The following KCNQ1OT1 variants were observed in gnomAD, a reference collection of about 807,000 sequenced individuals.
KCNQ1OT1 encodes the protein KCNQ1 antisense RNA 2 (non-protein coding).
exon 1 of KCNQ1OT1, chr11:2,614,427 T>G (rs1849028098): frequency 2.5e-6 from 1 of 398,402 alleles, no homozygotes; most frequent in Non-Finnish European, 4.4e-6. Context: ...CAATATTGTG[T>G]TTTTTGTGTC....
In KCNQ1OT1 at chr11:2,642,482, G is replaced by A. The variant is rs1849594702; in HGVS notation, n.57513C>T. 3 of 397,854 alleles carry A rather than the reference G, an allele frequency of 7.5e-6. No individual in the cohort carries two copies. The highest frequency in any genetic ancestry group is 2.5e-4 in the South Asian group (2 of 7,852). The allele number at this position is 397,854 out of a possible 1,614,324, so 24.6% of individuals were successfully genotyped here. ...ATCAATTTATTGATCAGACTGAAGAGTTTTGATTTTTGTATTTCATGGTAT... is the reference window on the plus strand; with the variant it reads ...ATCAATTTATTGATCAGACTGAAGAATTTTGATTTTTGTATTTCATGGTAT... On this transcript the variant is annotated non_coding_transcript_exon_variant, in exon 1 of 1. Transcript: ENST00000597346. This position sits in a 1 kb window ranked among gnomAD's most constrained non-coding sequence, Gnocchi z 4.3.
chr11:2,612,196 C>T lies in KCNQ1OT1; in HGVS notation n.87799G>A. 2.5e-6 allele frequency: 1 copy of T among 398,684 alleles called. No individual in the cohort carries two copies. The highest frequency in any genetic ancestry group is 3.6e-5 in the East Asian group (1 of 28,078). The allele number at this position is 398,684 out of a possible 1,614,324, so 24.7% of individuals were successfully genotyped here. On this transcript the variant is annotated non_coding_transcript_exon_variant, in exon 1 of 1. Coordinates refer to ENST00000597346, the Ensembl canonical transcript of KCNQ1OT1. The surrounding 1 kb of genome is among the most constrained non-coding windows in gnomAD (Gnocchi z 5.5). ...GTGAGCAGCAGGCAAGCAAGCATTA[C>T]TGCCTGAGCTCTGCCTCCTGTCTGA...
Position 2,609,271 on chromosome 11 carries a change from T to C in KCNQ1OT1, n.90724A>G, listed in dbSNP as rs28432105. Reference sequence around the variant, plus strand: ...TACGTTCCATTTCCCTTGTGAATTCTTTCACCCATTGATTATTTAAGAATG... The same window carrying C: ...TACGTTCCATTTCCCTTGTGAATTCCTTCACCCATTGATTATTTAAGAATG... On this transcript the variant is annotated non_coding_transcript_exon_variant, in exon 1 of 1. Transcript: ENST00000597346. 3,465 of 398,338 alleles carry C rather than the reference T, an allele frequency of 8.7e-3. 47 individuals are homozygous for C. The highest frequency in any genetic ancestry group is 0.036 in the African/African-American group (1,753 of 48,746). The allele number at this position is 398,338 out of a possible 1,614,324, so 24.7% of individuals were successfully genotyped here. A position where few individuals can be genotyped will look rare whatever the true frequency, so the allele number is the denominator to read the frequency against.
exon 1 of KCNQ1OT1, chr11:2,666,656 A>G: frequency 2.5e-6 from 1 of 398,710 alleles, no homozygotes; most frequent in Non-Finnish European, 4.4e-6. Context: ...CCAAGGGGCT[A>G]GCTCTTTTGA....
In KCNQ1OT1 at chr11:2,679,686, A is replaced by C. The variant is rs1028969656; in HGVS notation, n.20309T>G. On this transcript the variant is annotated non_coding_transcript_exon_variant, in exon 1 of 1. Coordinates refer to ENST00000597346, the Ensembl canonical transcript of KCNQ1OT1. This position sits in a 1 kb window ranked among gnomAD's most constrained non-coding sequence, Gnocchi z 4.8. ...TTTAGGATGCATAGGATCCCAGATT[A>C]GATTTTTTTTAAATCAGCCGTTCTC... 1.0e-5 allele frequency: 4 copies of C among 398,558 alleles called. No homozygotes were observed. Among genetic ancestry groups the C allele is most frequent in the African/African-American group, 8.2e-5 (4 of 48,704 alleles). The allele number at this position is 398,558 out of a possible 1,614,324, so 24.7% of individuals were successfully genotyped here.
chr11:2,614,863 G>A (rs2133795531), exon 1 of KCNQ1OT1: 1 of 398,344 alleles, frequency 2.5e-6, no homozygotes, highest in Non-Finnish European at 4.4e-6. Flanking sequence ...TATGATTTTA[G>A]ATTGTTTGGG....
chr11:2,699,927 G>A (rs3782064), exon 1 of KCNQ1OT1: 5,705 of 398,412 alleles, frequency 0.014, 193 homozygotes, highest in East Asian at 0.095. Flanking sequence ...GCGCTGAGGG[G>A]CGCCCTGGCA....
At position 2,668,496 on chromosome 11, in the gene KCNQ1OT1, G is replaced by GT; in HGVS notation, n.31498dup. Reference sequence around the variant, plus strand: ...TTCCTTTTCAGCCATGATGGTGAATGTCTAGCAGCATCAAATGGTGATTTT... The same window carrying GT: ...TTCCTTTTCAGCCATGATGGTGAATGTTCTAGCAGCATCAAATGGTGATTTT... On this transcript the variant is annotated non_coding_transcript_exon_variant, in exon 1 of 1. Coordinates refer to ENST00000597346, the Ensembl canonical transcript of KCNQ1OT1. The surrounding 1 kb of genome is among the most constrained non-coding windows in gnomAD (Gnocchi z 4.3). The GT allele has an allele frequency of 2.5e-6, 1 of 398,618 alleles. No homozygotes were observed. The highest frequency in any genetic ancestry group is 4.4e-6 in the Non-Finnish European group (1 of 226,060). 24.7% of individuals were successfully genotyped at this position (398,618 alleles called of 1,614,324 possible).
Position 2,617,687 on chromosome 11 carries a change from C to T in KCNQ1OT1, n.82308G>A, listed in dbSNP as rs1477583597. 2.5e-6 allele frequency: 1 copy of T among 398,364 alleles called. No homozygotes were observed. The highest frequency in any genetic ancestry group is 4.4e-6 in the Non-Finnish European group (1 of 226,012). The allele number at this position is 398,364 out of a possible 1,614,324, so 24.7% of individuals were successfully genotyped here. A position where few individuals can be genotyped will look rare whatever the true frequency, so the allele number is the denominator to read the frequency against. On this transcript the variant is annotated non_coding_transcript_exon_variant, in exon 1 of 1. Transcript: ENST00000597346. The surrounding 1 kb of genome is among the most constrained non-coding windows in gnomAD (Gnocchi z 4.6). ...AATCTACAGTCCCACCAACACTGTA[C>T]AAGAGTTCCCTAACCCTAGCCAACA...
exon 1 of KCNQ1OT1, chr11:2,629,280 A>G (rs1477755813): frequency 2.5e-6 from 1 of 398,248 alleles, no homozygotes; most frequent in Non-Finnish European, 4.4e-6. Context: ...AATGTTTCAT[A>G]GTTTTCAGTG....
At chr11:2,688,065 G>C (rs1455432071) in exon 1 of KCNQ1OT1, 1 of 398,834 alleles carries the variant, frequency 2.5e-6, no homozygotes, top group Non-Finnish European at 4.4e-6. Context: ...CCATGGAGTT[G>C]GTGCTTCTAG....
chr11:2,622,808 C>T (rs1168318532), exon 1 of KCNQ1OT1: 1 of 398,636 alleles, frequency 2.5e-6, no homozygotes. Context: ...CCCATACATA[C>T]AGAGCTTTTC....
rs1849155464 is a variant in KCNQ1OT1 at position 2,620,711 on chromosome 11, TGGG to T, written n.79281_79283del. The stretch of plus-strand genomic sequence containing the variant: ...TTTCCTTTGAATATATATCCAGTAA[TGGG>T]ATTGCTGGGTCAGATGGTAGTTCTG... On this transcript the variant is annotated non_coding_transcript_exon_variant, in exon 1 of 1. Transcript: ENST00000597346. This position sits in a 1 kb window ranked among gnomAD's most constrained non-coding sequence, Gnocchi z 4.5. The T allele has an allele frequency of 2.5e-6, 1 of 398,504 alleles. No homozygotes were observed. The highest frequency in any genetic ancestry group is 4.4e-6 in the Non-Finnish European group (1 of 226,066). 24.7% of individuals were successfully genotyped at this position (398,504 alleles called of 1,614,324 possible).
At chr11:2,641,807 A>G (rs1264330187) in exon 1 of KCNQ1OT1, 1 of 398,216 alleles carries the variant, frequency 2.5e-6, no homozygotes, top group African/African-American at 2.1e-5. Flanking sequence ...TCTTGAGTTG[A>G]TTTTAGTATA....
chr11:2,670,495 G>A lies in KCNQ1OT1; in HGVS notation n.29500C>T, dbSNP rs1328271804. On this transcript the variant is annotated non_coding_transcript_exon_variant, in exon 1 of 1. Coordinates refer to ENST00000597346, the Ensembl canonical transcript of KCNQ1OT1. This position sits in a 1 kb window ranked among gnomAD's most constrained non-coding sequence, Gnocchi z 4.9. ...AGGTCCCTCAGAGAGCATCTAGTGG[G>A]CCTGTCCTCCCAGCTCACAGAAGGG... The A allele has an allele frequency of 1.3e-5, 5 of 397,322 alleles. No homozygotes were observed. The highest frequency in any genetic ancestry group is 8.3e-5 in the African/African-American group (4 of 48,168). The allele number at this position is 397,322 out of a possible 1,614,324, so 24.6% of individuals were successfully genotyped here.
At chr11:2,662,540 C>T in exon 1 of KCNQ1OT1, 1 of 428,356 alleles carries the variant, frequency 2.3e-6, no homozygotes, top group Non-Finnish European at 4.1e-6. Context: ...TTTTCCACGC[C>T]TTCCAGTTGG....
exon 1 of KCNQ1OT1, chr11:2,680,471 A>AT (rs916520404): frequency 1.0e-4 from 41 of 397,666 alleles, no homozygotes; most frequent in African/African-American, 6.0e-4. Context: ...AGGACTACTG[A>AT]TTTTTTTTTA....
exon 1 of KCNQ1OT1, chr11:2,660,386 T>G (rs572872504): frequency 2.5e-6 from 1 of 398,578 alleles, no homozygotes; most frequent in South Asian, 1.3e-4. Context: ...GGGAAAACCT[T>G]CCTTTTTTAT....
chr11:2,633,191 G>T (rs1849391748), exon 1 of KCNQ1OT1: 1 of 398,500 alleles, frequency 2.5e-6, no homozygotes, highest in Non-Finnish European at 4.4e-6. Context: ...TCACATACCT[G>T]TTGGCCAGTT....
Sources: allele counts gnomAD v4.1 joint callset, GRCh38; gene constraint gnomAD v4.1.1; non-coding constraint Gnocchi (gnomAD v3.1); transcripts MANE v1.5; gene names NCBI Gene and HGNC (gene_info 2026-07-23, HGNC 2026-07-21).